The following RORA variants were observed in gnomAD, a reference collection of about 807,000 sequenced individuals.
RORA encodes RAR related orphan receptor A.
Under a neutral mutation model 69.5 loss-of-function variants are expected in RORA, and 7 were observed. The ratio of observed to expected loss-of-function variants is 0.10; its 90% CI spans 0.06 to 0.19. The LOEUF (loss-of-function observed/expected upper bound fraction) is 0.19. Among genes scored for constraint, RORA ranks in the 10% least tolerant of loss-of-function variants. The pLI is 1.00. For missense variants in RORA, 457 were observed against 663.0 expected (o/e 0.69, Z 3.41); for synonymous variants, 261 against 240.8 (o/e 1.08, Z -0.78).
intron 2 of RORA, among the ~76,000 whole-genome samples, chr15:60,627,720 C>T (rs1475899410): frequency 8.5e-5 from 13 of 152,200 alleles, no homozygotes; most frequent in Admixed American, 8.5e-4. Context: ...TTAACCTTTT[C>T]CAAGCGTCTT....
At chr15:60,932,764 G>C (rs979956371) in intron 1 of RORA, among the ~76,000 whole-genome samples, 10 of 152,270 alleles carry the variant, frequency 6.6e-5, no homozygotes, top group African/African-American at 2.4e-4. Flanking sequence ...AGACTCCCTG[G>C]CATTGTTGAG....
At chr15:60,900,854 A>G (rs1399287486) in intron 1 of RORA, among the ~76,000 whole-genome samples, 2 of 152,134 alleles carry the variant, frequency 1.3e-5, no homozygotes, top group Non-Finnish European at 2.9e-5. Context: ...CTTGGGTGAC[A>G]GAGGAAGACT....
chr15:60,659,682 G>A (rs1429470821), intron 2 of RORA, among the ~76,000 whole-genome samples: 1 of 152,092 alleles, frequency 6.6e-6, no homozygotes, highest in Admixed American at 6.6e-5. Context: ...TACCCAAAGT[G>A]ATCAAACCCC....
At chr15:61,159,037 CAT>C (rs1269977065) in intron 1 of RORA, among the ~76,000 whole-genome samples, 1 of 152,114 alleles carries the variant, frequency 6.6e-6, no homozygotes, top group Non-Finnish European at 1.5e-5. Flanking sequence ...CATGGTGTAA[CAT>C]ATATAAATAT....
chr15:61,201,794 C>T (rs1363533000), intron 1 of RORA, among the ~76,000 whole-genome samples: 1 of 152,168 alleles, frequency 6.6e-6, no homozygotes, highest in Non-Finnish European at 1.5e-5. Context: ...GAGACCAATA[C>T]ATTTTTTCCT....
At position 61,131,460 on chromosome 15, in the gene RORA, C is replaced by T. The variant is rs902552724; in HGVS notation, c.166+97593G>A. On this transcript the variant is annotated intron_variant, in intron 1 of 10. Coordinates refer to ENST00000335670, the MANE Select transcript of RORA (RefSeq NM_134261.3). This position sits in a 1 kb window ranked among gnomAD's most constrained non-coding sequence, Gnocchi z 4.2. ...CACAGCTGCAGGCTCTTTGGAGCTA[C>T]TCCTGGGTTGGGGTGAGTGGGGACT... Among the ~76,000 whole-genome samples, 1 of 152,164 alleles carries T rather than the reference C, an allele frequency of 6.6e-6. No individual in the cohort carries two copies.
intron 1 of RORA, among the ~76,000 whole-genome samples, chr15:60,927,656 C>A (rs1566912342): frequency 1.3e-5 from 2 of 152,072 alleles, no homozygotes; most frequent in Non-Finnish European, 2.9e-5. Flanking sequence ...CATCTGTAAT[C>A]CCAGCTACTG....
intron 1 of RORA, among the ~76,000 whole-genome samples, chr15:61,037,528 A>G (rs1159242586): frequency 2.6e-5 from 4 of 152,186 alleles, no homozygotes; most frequent in African/African-American, 7.2e-5. Flanking sequence ...ACAAAGCAAC[A>G]GAACCAGCAA....
intron 1 of RORA, among the ~76,000 whole-genome samples, chr15:61,016,890 G>A (rs1049233222): frequency 8.5e-5 from 13 of 152,264 alleles, no homozygotes; most frequent in Admixed American, 7.2e-4. Context: ...TTCATTAAGT[G>A]AGACCTGGAA....
Position 60,717,630 on chromosome 15 carries a change from A to G in RORA, c.167-38944T>C, listed in dbSNP as rs145153124. On this transcript the variant is annotated intron_variant, in intron 1 of 10. Transcript: ENST00000335670. Reference sequence around the variant, plus strand: ...GGTATATTTGGCATTGTCATTAATTAACTAACACATTTTACTGAGCCCCTA... The same window carrying G: ...GGTATATTTGGCATTGTCATTAATTGACTAACACATTTTACTGAGCCCCTA... 1.5e-3 allele frequency among the ~76,000 whole-genome samples: 223 copies of G among 152,214 alleles called. 1 individual carries two copies. Among genetic ancestry groups the G allele is most frequent in the African/African-American group, 5.1e-3 (213 of 41,524 alleles).
intron 1 of RORA, among the ~76,000 whole-genome samples, chr15:61,119,259 T>G (rs1870466741): frequency 6.6e-6 from 1 of 151,956 alleles, no homozygotes; most frequent in Admixed American, 6.6e-5. Flanking sequence ...AGTACAGTGG[T>G]GCAATCTTGG....
At chr15:60,529,869 C>G (rs2066477438) in intron 3 of RORA, 2 of 152,200 alleles carry the variant, frequency 1.3e-5, no homozygotes, top group African/African-American at 4.8e-5. Context: ...TAGATAATCA[C>G]TTCTGTCAAT....
intron 1 of RORA, among the ~76,000 whole-genome samples, chr15:60,857,656 C>T (rs1398825236): frequency 1.3e-5 from 2 of 152,190 alleles, no homozygotes; most frequent in Non-Finnish European, 2.9e-5. Flanking sequence ...TGCAAAATGG[C>T]ACACAGGTGC....
intron 1 of RORA, among the ~76,000 whole-genome samples, chr15:60,782,067 A>T (rs996474107): frequency 6.6e-6 from 1 of 152,242 alleles, no homozygotes; most frequent in Non-Finnish European, 1.5e-5. Context: ...TCTACTAAAA[A>T]TACAGAAATT....
intron 1 of RORA, among the ~76,000 whole-genome samples, chr15:60,755,181 G>A (rs1381377177): frequency 7.9e-6 from 1 of 127,026 alleles, no homozygotes; most frequent in Non-Finnish European, 1.5e-5. Context: ...TCCCCTTCCT[G>A]TGTCCATGTG....
chr15:60,756,269 G>T (rs2071800576), intron 1 of RORA, among the ~76,000 whole-genome samples: 1 of 152,230 alleles, frequency 6.6e-6, no homozygotes, highest in Non-Finnish European at 1.5e-5. Context: ...ACCATTGGGT[G>T]AGGAGCTGAA....
intron 1 of RORA, among the ~76,000 whole-genome samples, chr15:60,716,931 G>A (rs1376701266): frequency 2.0e-5 from 3 of 152,104 alleles, no homozygotes; most frequent in East Asian, 1.9e-4. Flanking sequence ...TAATAAACTG[G>A]TAAACATGTT....
intron 1 of RORA, among the ~76,000 whole-genome samples, chr15:61,106,356 A>G (rs2078948570): frequency 6.6e-6 from 1 of 152,216 alleles, no homozygotes; most frequent in Non-Finnish European, 1.5e-5. Flanking sequence ...TGTGCTATAG[A>G]CTAAGTTCAG....
chr15:61,094,372 A>C (rs572732355), intron 1 of RORA, among the ~76,000 whole-genome samples: 2 of 152,278 alleles, frequency 1.3e-5, no homozygotes, highest in Non-Finnish European at 2.9e-5. Flanking sequence ...TAAGTAATCA[A>C]ATATGACCGT....
Sources: allele counts gnomAD v4.1 joint callset (sites outside exome capture counted in the v4.1 genomes callset), GRCh38; gene constraint gnomAD v4.1.1; non-coding constraint Gnocchi (gnomAD v3.1); transcripts MANE v1.5; gene names NCBI Gene and HGNC (gene_info 2026-07-23, HGNC 2026-07-21).